FAT4: variants seen among roughly 807,000 people sequenced by gnomAD.
FAT4 encodes FAT atypical cadherin 4, also known as protocadherin Fat 4.
FAT4 carries 84 observed loss-of-function variants against 303.9 expected under a neutral mutation model. The ratio of observed to expected loss-of-function variants is 0.28; its 90% CI spans 0.23 to 0.33. The LOEUF is 0.33. Among genes scored for constraint, FAT4 ranks in the 10% least tolerant of loss-of-function variants. The probability of loss-of-function intolerance (pLI) is 1.00; values close to 1 mark genes in which losing one functional copy is unlikely to be tolerated. For synonymous variants in FAT4, 2,307 were observed against 2,298.8 expected, an observed-to-expected ratio of 1.00 and a Z score of -0.10; for missense variants, 6,005 against 6,146.8, an observed-to-expected ratio of 0.98 and a Z score of 0.77.
Position 125,318,112 on chromosome 4 carries a change from G to C in FAT4, c.1701G>C (p.Gln567His). 1 of 1,614,166 alleles carries C rather than the reference G, an allele frequency of 6.2e-7. No homozygotes were observed. The highest frequency in any genetic ancestry group is 8.5e-7 in the Non-Finnish European group (1 of 1,180,032). ...QGVHPKVSYA[Q>H]LVVTLLDVND... The stretch of plus-strand genomic sequence containing the variant: ...TTCACCCCAAGGTGTCCTATGCCCA[G>C]CTTGTAGTAACTCTCCTAGATGTGA... Residue 567 changes from glutamine to histidine, a missense_variant, in exon 2 of 18, where the codon CAG becomes CAC. Transcript: ENST00000394329.
chr4:125,476,653 TA>T (rs34205386), intron 13 of FAT4, among the ~76,000 whole-genome samples: 58,180 of 151,968 alleles, frequency 0.38, 11,154 homozygotes, highest in Middle Eastern at 0.46. Context: ...AGCACAGCAG[TA>T]ATCTACCAGA....
chr4:125,465,559 G>A (rs904720390), intron 11 of FAT4, among the ~76,000 whole-genome samples: 5 of 152,130 alleles, frequency 3.3e-5, no homozygotes, highest in African/African-American at 1.2e-4. Flanking sequence ...CAAATTTGGG[G>A]ATTTAAGAAA....
intron 2 of FAT4, among the ~76,000 whole-genome samples, chr4:125,349,622 A>G (rs570522280): frequency 2.0e-5 from 3 of 151,888 alleles, no homozygotes; most frequent in African/African-American, 7.2e-5. Flanking sequence ...GAAATTTTAT[A>G]TGAAGTATAT....
At chr4:125,439,630 C>T (rs995396832) in intron 8 of FAT4, among the ~76,000 whole-genome samples, 9 of 152,052 alleles carry the variant, frequency 5.9e-5, no homozygotes, top group Admixed American at 4.6e-4. Flanking sequence ...TGAGCCACCG[C>T]GCCCCGGCCA....
At chr4:125,400,296 A>T (rs1326865536) in intron 3 of FAT4, among the ~76,000 whole-genome samples, 2 of 152,002 alleles carry the variant, frequency 1.3e-5, no homozygotes, top group Non-Finnish European at 2.9e-5. Context: ...TTTAATAGGA[A>T]TTACAGGAAT....
rs571765492 is a variant in FAT4, at chr4:125,452,504, C to T, written c.11494C>T (p.Arg3832Cys). Reference protein sequence around the residue: ...RLAVSSVLKSRESLPVIIVAN... With the variant: ...RLAVSSVLKSCESLPVIIVAN... ...GGCTGTGAGCTCCGTATTAAAAAGC[C>T]GTGAGAGTCTTCCAGTCATCATCGT... The change falls in exon 10 of 18, where the codon CGT becomes TGT. Residue 3832 changes from arginine to cysteine, a missense_variant. Arg to Cys is a radical substitution (Grantham distance 180). Coordinates refer to ENST00000394329, the MANE Select transcript of FAT4 (RefSeq NM_001291303.3). The T allele has an allele frequency of 1.1e-5, 17 of 1,614,002 alleles. No homozygotes were observed. The highest frequency in any genetic ancestry group is 8.8e-5 in the South Asian group (8 of 91,082).
rs776577446 is a variant in FAT4, at chr4:125,320,401, T to C, written c.3990T>C (p.Ile1330=). The C allele has an allele frequency of 1.2e-6, 2 of 1,614,076 alleles. No homozygotes were observed. The highest frequency in any genetic ancestry group is 3.3e-5 in the Admixed American group (2 of 60,024). ...LFVDVLENMR[I]GELVSSVTAT... is the part of the protein sequence containing the mutation. The stretch of plus-strand genomic sequence containing the variant: ...TTGATGTTTTGGAAAACATGAGAAT[T>C]GGTGAACTCGTGTCCTCTGTTACTG... The change falls in exon 2 of 18, where the codon ATT becomes ATC. Residue 1330 remains isoleucine (I), a synonymous_variant. Coordinates refer to ENST00000394329, the MANE Select transcript of FAT4 (RefSeq NM_001291303.3).
At chr4:125,396,965 TAA>T (rs1272291913) in intron 2 of FAT4, among the ~76,000 whole-genome samples, 2 of 112,868 alleles carry the variant, frequency 1.8e-5, no homozygotes, top group African/African-American at 8.2e-5. Context: ...TATATATATA[TAA>T]AATATGTATG....
intron 8 of FAT4, among the ~76,000 whole-genome samples, chr4:125,443,650 C>G (rs976467364): frequency 2.6e-5 from 4 of 152,120 alleles, no homozygotes; most frequent in Non-Finnish European, 5.9e-5. Context: ...CAGTAGTGTG[C>G]TTGACATGCA....
At chr4:125,412,242 C>T (rs4623022) in intron 5 of FAT4, among the ~76,000 whole-genome samples, 52,424 of 151,498 alleles carry the variant, frequency 0.35, 9,241 homozygotes, top group Middle Eastern at 0.48. Context: ...TGGCCAAAGT[C>T]ACTTTTTAGA....
intron 3 of FAT4, among the ~76,000 whole-genome samples, chr4:125,399,678 A>C (rs566757532): frequency 9.9e-5 from 15 of 152,080 alleles, no homozygotes; most frequent in Non-Finnish European, 1.5e-4. Flanking sequence ...TAAATAAATA[A>C]ATAATAAAAT....
At position 125,320,485 on chromosome 4, in the gene FAT4, C is replaced by A; in HGVS notation, c.4074C>A (p.Asn1358Lys). ...TATATTACAGTATTACTGGGACTAA[C>A]AACCACGGAACTTTTAGCATTAGCC... is the stretch of plus-strand genomic sequence containing the variant. Reference protein sequence around the residue: ...ADLYYSITGTNNHGTFSISPN... With the variant: ...ADLYYSITGTKNHGTFSISPN... The change falls in exon 2 of 18, where the codon AAC becomes AAA. Residue 1358 changes from asparagine to lysine, a missense_variant. By Grantham distance (94) the Asn-to-Lys change is moderately conservative. Coordinates refer to ENST00000394329, the MANE Select transcript of FAT4 (RefSeq NM_001291303.3). 1 of 1,614,096 alleles carries A rather than the reference C, an allele frequency of 6.2e-7. No individual in the cohort carries two copies. Among genetic ancestry groups the A allele is most frequent in the Non-Finnish European group, 8.5e-7 (1 of 1,179,994 alleles).
At position 125,316,268 on chromosome 4, in the gene FAT4, G is replaced by T; in HGVS notation, c.-12-132G>T. 2 of 1,119,086 alleles carry T rather than the reference G, an allele frequency of 1.8e-6. No homozygotes were observed. The highest frequency in any genetic ancestry group is 1.6e-5 in the South Asian group (1 of 62,980). 69.3% of individuals were successfully genotyped at this position (1,119,086 alleles called of 1,614,324 possible). A position where few individuals can be genotyped will look rare whatever the true frequency, so the allele number is the denominator to read the frequency against. ...TTGCTGATGCTACTTGCTTTTGCCG[G>T]ACTGGAGGTTCTTTGAAATAGCAGA... On this transcript the variant is annotated intron_variant, in intron 1 of 17. Coordinates refer to ENST00000394329, the MANE Select transcript of FAT4 (RefSeq NM_001291303.3). The surrounding 1 kb of genome is among the most constrained non-coding windows in gnomAD (Gnocchi z 5.7).
rs772867517 is a variant in FAT4 at position 125,451,848 on chromosome 4, C to T, written c.10838C>T (p.Pro3613Leu). Residue 3613 changes from proline to leucine, a missense_variant, in exon 10 of 18, where the codon CCT (proline) becomes CTT (leucine). By Grantham distance (98) the Pro-to-Leu change is moderately conservative (BLOSUM62 -3). Coordinates refer to ENST00000394329, the MANE Select transcript of FAT4 (RefSeq NM_001291303.3). ...ACAGTTATAGACCAAAATGACAATC[C>T]TTCACAGTCTCGGACGGTGGAGATA... The part of the protein sequence containing the change: ...HITVIDQNDN[P>L]SQSRTVEIFV... 1.2e-6 allele frequency: 2 copies of T among 1,614,108 alleles called. No homozygotes were observed. The highest frequency in any genetic ancestry group is 1.7e-6 in the Non-Finnish European group (2 of 1,180,018).
intron 7 of FAT4, among the ~76,000 whole-genome samples, chr4:125,429,693 C>T (rs1237233807): frequency 6.6e-6 from 1 of 152,058 alleles, no homozygotes; most frequent in East Asian, 1.9e-4. Context: ...ATAACACATG[C>T]ATGTATGTAT....
Position 125,408,433 on chromosome 4 carries a change from T to C in FAT4, c.5570-11T>C. On this transcript the variant is annotated splice_polypyrimidine_tract_variant and intron_variant, in intron 4 of 17. Transcript: ENST00000394329. Reference sequence around the variant, plus strand: ...CCTTGATTTTATACTATTAATTTATTCTTTTGATAGGTTCTTTGGTAGCAG... The same window carrying C: ...CCTTGATTTTATACTATTAATTTATCCTTTTGATAGGTTCTTTGGTAGCAG... The C allele has an allele frequency of 6.5e-7, 1 of 1,532,856 alleles. No homozygotes were observed. Among genetic ancestry groups the C allele is most frequent in the Non-Finnish European group, 8.8e-7 (1 of 1,131,410 alleles). The allele number at this position is 1,532,856 out of a possible 1,614,324, so 95.0% of individuals were successfully genotyped here.
chr4:125,325,010 C>G (rs1731097875), intron 2 of FAT4, among the ~76,000 whole-genome samples: 1 of 151,930 alleles, frequency 6.6e-6, no homozygotes, highest in Non-Finnish European at 1.5e-5. Context: ...CTCAAATCTT[C>G]TTGGGCAATA....
rs1019865854 is a variant in FAT4, at chr4:125,320,174, G to C, written c.3763G>C (p.Glu1255Gln). The C allele has an allele frequency of 1.2e-6, 2 of 1,613,878 alleles. No individual in the cohort carries two copies. The highest frequency in any genetic ancestry group is 3.3e-4 in the Middle Eastern group (2 of 6,062). Residue 1255 changes from glutamate (E) to glutamine (Q), a missense_variant, in exon 2 of 18, where the codon GAA becomes CAA. Transcript: ENST00000394329. ...IHYSIIKGNE[E>Q]RQFAIDSTSG... ...CTATTCTATAATAAAAGGAAATGAA[G>C]AAAGACAGTTTGCTATAGACAGTAC... is the stretch of plus-strand genomic sequence containing the variant.
intron 4 of FAT4, among the ~76,000 whole-genome samples, 182 bp from the exon 5 acceptor site, chr4:125,408,262 T>C (rs997986314): frequency 2.0e-5 from 3 of 152,184 alleles, no homozygotes; most frequent in Non-Finnish European, 4.4e-5. Flanking sequence ...TCACATACTG[T>C]ATTCAAATAG....
Sources: gnomAD v4.1 joint callset for allele counts (sites outside exome capture counted in the v4.1 genomes callset) on GRCh38, gnomAD v4.1.1 for gene constraint, Gnocchi (gnomAD v3.1) non-coding constraint, MANE v1.5 for transcripts, NCBI Gene and HGNC (gene_info 2026-07-23, HGNC 2026-07-21) for gene names.